The following PINX1 variants were observed in gnomAD, a reference collection of about 807,000 sequenced individuals.
The protein encoded by PINX1 is PIN2 (TERF1) interacting telomerase inhibitor 1, also known as PIN2/TERF1-interacting telomerase inhibitor 1.
PINX1 carries 34 observed loss-of-function variants against 25.4 expected under a neutral mutation model. That is an observed-to-expected ratio of 1.34 (90% CI 1.02 to 1.78). The LOEUF is 1.78. Among genes scored for constraint, PINX1 ranks in the 40% most tolerant of loss-of-function variants. The pLI is 0.00. For synonymous variants in PINX1, 197 were observed against 147.7 expected, an observed-to-expected ratio of 1.33 and a Z score of -2.42; for missense variants, 592 against 404.9, an observed-to-expected ratio of 1.46 and a Z score of -3.97.
At chr8:10,819,684 A>C (rs1239191140) in intron 6 of PINX1, among the ~76,000 whole-genome samples, 1 of 152,232 alleles carries the variant, frequency 6.6e-6, no homozygotes, top group Non-Finnish European at 1.5e-5. Flanking sequence ...AAGGCAAATA[A>C]TATTGTATAA....
At chr8:10,799,978 G>A (rs1802214735) in intron 6 of PINX1, among the ~76,000 whole-genome samples, 1 of 152,200 alleles carries the variant, frequency 6.6e-6, no homozygotes, top group Non-Finnish European at 1.5e-5. Flanking sequence ...TCCTGCCAAA[G>A]GTCATATGAC....
chr8:10,825,011 G>A (rs566935240), intron 5 of PINX1, among the ~76,000 whole-genome samples: 88 of 152,304 alleles, frequency 5.8e-4, no homozygotes, highest in South Asian at 1.0e-3. Flanking sequence ...AGTTCCATGT[G>A]AGAGAAAGAA....
In PINX1 at chr8:10,825,505, A is replaced by G. The variant is rs986962420; in HGVS notation, c.394+647T>C. ...TTAAATTGCTTCTTTCCAATGCAAG[A>G]TCGCCACCTAGTGGCTGAAGACAAC... On this transcript the variant is annotated intron_variant, in intron 5 of 6. Coordinates refer to ENST00000314787, the MANE Select transcript of PINX1 (RefSeq NM_017884.6). 1.1e-5 allele frequency: 6 copies of G among 531,040 alleles called. No individual in the cohort carries two copies. The East Asian group carries it at 1.6e-4, about 15-fold the overall frequency. The allele number at this position is 531,040 out of a possible 1,614,324, so 32.9% of individuals were successfully genotyped here.
chr8:10,813,923 A>G (rs1012942765), intron 6 of PINX1, among the ~76,000 whole-genome samples: 3 of 150,282 alleles, frequency 2.0e-5, no homozygotes, highest in African/African-American at 7.3e-5. Flanking sequence ...AAAAAAAAAA[A>G]GAGTAGCAGG....
At chr8:10,803,690 C>G (rs540895181) in intron 6 of PINX1, among the ~76,000 whole-genome samples, 10 of 152,322 alleles carry the variant, frequency 6.6e-5, no homozygotes, top group Non-Finnish European at 1.5e-4. Context: ...CAGATTTATA[C>G]TGCATTATGT....
intron 6 of PINX1, among the ~76,000 whole-genome samples, chr8:10,806,567 G>A (rs1199864154): frequency 6.6e-6 from 1 of 152,096 alleles, no homozygotes; most frequent in Non-Finnish European, 1.5e-5. Flanking sequence ...GAATTGAAAG[G>A]GTTTTCTCTT....
chr8:10,807,653 T>C (rs879480207), intron 6 of PINX1, among the ~76,000 whole-genome samples: 1 of 152,216 alleles, frequency 6.6e-6, no homozygotes, highest in Non-Finnish European at 1.5e-5. Context: ...ACTGCAACAA[T>C]GGCTATCAGA....
At chr8:10,832,277 G>C (rs1051577455) in intron 3 of PINX1, among the ~76,000 whole-genome samples, 1 of 152,072 alleles carries the variant, frequency 6.6e-6, no homozygotes. Context: ...TACCTAATAA[G>C]TTTATTATAA....
intron 4 of PINX1, among the ~76,000 whole-genome samples, chr8:10,830,425 G>A (rs1042841884): frequency 2.0e-5 from 3 of 152,178 alleles, no homozygotes; most frequent in African/African-American, 7.2e-5. Context: ...CCTCCAAGCA[G>A]GACTGTGTCT....
At chr8:10,823,679 C>T (rs1175502218) in intron 5 of PINX1, among the ~76,000 whole-genome samples, 1 of 152,010 alleles carries the variant, frequency 6.6e-6, no homozygotes, top group Non-Finnish European at 1.5e-5. Context: ...AACGATATAA[C>T]CAACCAGGTG....
Position 10,831,723 on chromosome 8 carries a change from C to T in PINX1, c.243G>A (p.Gln81=). ...CGGCCAGAAGCTGGTTAAAATCATC[C>T]TGATGGGCAATCCAGTTGTCCTGAA... ...INNEDNWIAH[Q]DDFNQLLAEL... Residue 81 remains glutamine, a synonymous_variant, in exon 4 of 7, where the codon CAG becomes CAA. Transcript: ENST00000314787. 6.3e-7 allele frequency: 1 copy of T among 1,595,954 alleles called. No individual in the cohort carries two copies. The highest frequency in any genetic ancestry group is 8.6e-7 in the Non-Finnish European group (1 of 1,168,972).
intron 6 of PINX1, among the ~76,000 whole-genome samples, chr8:10,819,687 T>C (rs547401288): frequency 6.6e-6 from 1 of 152,346 alleles, no homozygotes; most frequent in East Asian, 1.9e-4. Context: ...GCAAATAATA[T>C]TGTATAATAG....
chr8:10,818,368 C>T (rs1797763412), intron 6 of PINX1, among the ~76,000 whole-genome samples: 1 of 152,132 alleles, frequency 6.6e-6, no homozygotes, highest in Non-Finnish European at 1.5e-5. Flanking sequence ...CAAGTAACAC[C>T]ACACAGTGTT....
In PINX1 at chr8:10,765,152, G is replaced by C; in HGVS notation, c.*249C>G. The C allele has an allele frequency of 2.0e-6, 1 of 494,490 alleles. No homozygotes were observed. Among genetic ancestry groups the C allele is most frequent in the Non-Finnish European group, 3.5e-6 (1 of 281,806 alleles). The allele number at this position is 494,490 out of a possible 1,614,324, so 30.6% of individuals were successfully genotyped here. A position where few individuals can be genotyped will look rare whatever the true frequency, so the allele number is the denominator to read the frequency against. ...ATGATTATAATTAAACTCTCTTGCTGAAGGGCTCAGAGTTTACAAAAAAAT... is the reference window on the plus strand; with the variant it reads ...ATGATTATAATTAAACTCTCTTGCTCAAGGGCTCAGAGTTTACAAAAAAAT... On this transcript the variant is annotated 3_prime_UTR_variant, in exon 7 of 7. Coordinates refer to ENST00000314787, the MANE Select transcript of PINX1 (RefSeq NM_017884.6).
intron 6 of PINX1, among the ~76,000 whole-genome samples, chr8:10,797,368 G>A (rs1381189181): frequency 1.3e-5 from 2 of 152,228 alleles, no homozygotes; most frequent in African/African-American, 2.4e-5. Context: ...GAAAGGGTGT[G>A]CTGGAAGACA....
At chr8:10,832,772 A>T (rs1187642598) in intron 3 of PINX1, 120 bp downstream of exon 3, 1 of 586,244 alleles carries the variant, frequency 1.7e-6, no homozygotes, top group African/African-American at 1.9e-5. Flanking sequence ...TCAAGAGGAA[A>T]CGTGAATAAA....
At chr8:10,824,183 A>T (rs954547706) in intron 5 of PINX1, among the ~76,000 whole-genome samples, 2 of 152,234 alleles carry the variant, frequency 1.3e-5, no homozygotes, top group African/African-American at 4.8e-5. Flanking sequence ...CACATTTTAC[A>T]AAAGAGGAAA....
intron 2 of PINX1, chr8:10,833,915 TAATAGAAA>T (rs1350925827): frequency 6.4e-6 from 1 of 155,282 alleles, no homozygotes; most frequent in African/African-American, 2.4e-5. Context: ...AAGAGTTTTA[TAATAGAAA>T]TGATACCCTT....
intron 6 of PINX1, among the ~76,000 whole-genome samples, chr8:10,776,993 C>G (rs1345891511): frequency 6.6e-6 from 1 of 152,226 alleles, no homozygotes; most frequent in African/African-American, 2.4e-5. Flanking sequence ...TCCTCTTCTC[C>G]TGCACTAGAC....
Sources: allele counts gnomAD v4.1 joint callset (sites outside exome capture counted in the v4.1 genomes callset), GRCh38; gene constraint gnomAD v4.1.1; transcripts MANE v1.5; gene names NCBI Gene and HGNC (gene_info 2026-07-23, HGNC 2026-07-21).